GLYATL3: variants seen among roughly 807,000 people sequenced by gnomAD.
The protein encoded by GLYATL3 is glycine-N-acyltransferase like 3, also known as glycine N-acyltransferase-like protein 3.
Under a neutral mutation model 28.5 loss-of-function variants are expected in GLYATL3, and 31 were observed. The observed-to-expected ratio is 1.09, with a 90% CI of 0.82 to 1.47. GLYATL3 has a LOEUF of 1.47. GLYATL3 is among the 40% of genes most tolerant of loss of function. The pLI is 0.00. For missense variants in GLYATL3, 369 were observed against 351.5 expected, an observed-to-expected ratio of 1.05 and a Z score of -0.40; for synonymous variants, 141 against 140.2, an observed-to-expected ratio of 1.01 and a Z score of -0.04.
intron 5 of GLYATL3, 90 bp from the exon 6 acceptor site, chr6:49,526,398 G>C: frequency 8.9e-7 from 1 of 1,125,668 alleles, no homozygotes; most frequent in South Asian, 1.5e-5. Flanking sequence ...GGGCGACAGA[G>C]CAAGACTGTG....
At chr6:49,515,986 G>A (rs1769209538) in intron 3 of GLYATL3, among the ~76,000 whole-genome samples, 1 of 132,198 alleles carries the variant, frequency 7.6e-6, no homozygotes, top group African/African-American at 2.8e-5. Flanking sequence ...CCAGACTAGA[G>A]TGCAGTGGCA....
intron 1 of GLYATL3, among the ~76,000 whole-genome samples, chr6:49,508,271 G>C (rs1218696933): frequency 1.3e-5 from 2 of 152,108 alleles, no homozygotes; most frequent in East Asian, 3.9e-4. Flanking sequence ...ATTCCAGCCT[G>C]GGCGACACAG....
chr6:49,527,041 A>G lies in GLYATL3; in HGVS notation c.*127A>G. On this transcript the variant is annotated 3_prime_UTR_variant, in exon 6 of 6. Transcript: ENST00000371197. ...AGTTGTTGGAAAGGGTCTGGAGAAT[A>G]TATACAGGATCCACTTGAGAAGCCT... 1.4e-6 allele frequency: 1 copy of G among 700,514 alleles called. No homozygotes were observed. Among genetic ancestry groups the G allele is most frequent in the Non-Finnish European group, 2.3e-6 (1 of 433,988 alleles). The allele number at this position is 700,514 out of a possible 1,614,324, so 43.4% of individuals were successfully genotyped here. A position where few individuals can be genotyped will look rare whatever the true frequency, so the allele number is the denominator to read the frequency against.
At chr6:49,514,974 G>A (rs1947861) in intron 2 of GLYATL3, among the ~76,000 whole-genome samples, 77,591 of 151,956 alleles carry the variant, frequency 0.51, 21,064 homozygotes, top group Non-Finnish European at 0.62. Context: ...GCCACAGAAA[G>A]AATTATAATA....
intron 3 of GLYATL3, 35 bp from the exon 4 acceptor site, chr6:49,517,395 C>T (rs776295863): frequency 3.0e-5 from 45 of 1,490,314 alleles, no homozygotes; most frequent in South Asian, 6.7e-5. Context: ...CCAGATAATA[C>T]GTTTATGTTT....
intron 5 of GLYATL3, among the ~76,000 whole-genome samples, chr6:49,524,044 C>T (rs1042598611): frequency 4.7e-5 from 7 of 150,244 alleles, no homozygotes; most frequent in African/African-American, 9.8e-5. Context: ...CTGATGCAAA[C>T]AATTTGCCTT....
At position 49,521,722 on chromosome 6, in the gene GLYATL3, A is replaced by G; in HGVS notation, c.391A>G (p.Lys131Glu). 6.4e-7 allele frequency: 1 copy of G among 1,551,402 alleles called. No individual in the cohort carries two copies. Among genetic ancestry groups the G allele is most frequent in the Non-Finnish European group, 8.7e-7 (1 of 1,146,774 alleles). The part of the protein sequence containing the change: ...KQLNIKLTSF[K>E]AVHFSPVSSL... Reference sequence around the variant, plus strand: ...GTTGAATATAAAGCTAACTTCCTTCAAGGCTGTTCATTTTTCTCCTGTTTC... The same window carrying G: ...GTTGAATATAAAGCTAACTTCCTTCGAGGCTGTTCATTTTTCTCCTGTTTC... The change falls in exon 5 of 6, where the codon AAG becomes GAG. Residue 131 changes from lysine to glutamate, a missense_variant. Lys to Glu is a moderately conservative substitution (Grantham distance 56, BLOSUM62 1). Transcript: ENST00000371197.
intron 4 of GLYATL3, among the ~76,000 whole-genome samples, chr6:49,520,233 AAG>A (rs3056256): frequency 0.46 from 70,236 of 151,776 alleles, 17,040 homozygotes; most frequent in East Asian, 0.62. Context: ...GAAAGAATCA[AAG>A]AGTGGGGGTA....
At chr6:49,508,556 G>T (rs1202513644) in intron 1 of GLYATL3, among the ~76,000 whole-genome samples, 1 of 152,086 alleles carries the variant, frequency 6.6e-6, no homozygotes, top group East Asian at 1.9e-4. Flanking sequence ...ATGGACAGGT[G>T]CCCCTCATGC....
intron 5 of GLYATL3, among the ~76,000 whole-genome samples, chr6:49,525,924 T>G (rs886609148): frequency 2.0e-5 from 3 of 152,206 alleles, no homozygotes. Context: ...AGAAACACTT[T>G]CCTTAACCTG....
intron 2 of GLYATL3, among the ~76,000 whole-genome samples, chr6:49,513,797 T>C (rs1169941689): frequency 6.6e-6 from 1 of 152,144 alleles, no homozygotes; most frequent in Non-Finnish European, 1.5e-5. Context: ...TTGAAGAAAA[T>C]GAGTGATTTA....
In GLYATL3 at chr6:49,512,047, T is replaced by C. The variant is rs1159841789; in HGVS notation, c.57T>C (p.Ser19=). 6.9e-7 allele frequency: 1 copy of C among 1,439,862 alleles called. No individual in the cohort carries two copies. Among genetic ancestry groups the C allele is most frequent in the Non-Finnish European group, 9.5e-7 (1 of 1,047,362 alleles). 89.2% of individuals were successfully genotyped at this position (1,439,862 alleles called of 1,614,324 possible). A position where few individuals can be genotyped will look rare whatever the true frequency, so the allele number is the denominator to read the frequency against. Residue 19 remains serine (S), a synonymous_variant, in exon 2 of 6, where the codon AGT becomes AGC. Transcript: ENST00000371197. ...TGATACTGGAGAAAATGTTGAAGAG[T>C]TGCTTTCCTGAATCACTCAAGGTAC... ...KLLILEKMLK[S]CFPESLKVYG... is the part of the protein sequence containing the mutation.
intron 5 of GLYATL3, among the ~76,000 whole-genome samples, chr6:49,524,234 A>C (rs1415351540): frequency 6.6e-6 from 1 of 152,234 alleles, no homozygotes; most frequent in Admixed American, 6.5e-5. Context: ...TGAAAATTCC[A>C]TTAGGCCAGC....
At chr6:49,503,314 T>C (rs959835828) in intron 1 of GLYATL3, among the ~76,000 whole-genome samples, 2 of 152,240 alleles carry the variant, frequency 1.3e-5, no homozygotes, top group African/African-American at 4.8e-5. Context: ...AAGGTGGATT[T>C]ACTTATAACA....
rs1334204789 is a variant in GLYATL3 at position 49,500,048 on chromosome 6, C to T, written c.-29+6C>T. On this transcript the variant is annotated splice_donor_region_variant and intron_variant, in intron 1 of 5. Coordinates refer to ENST00000371197, the MANE Select transcript of GLYATL3 (RefSeq NM_001010904.2). ...CTGGACTGAACTCCCAGCAGGTAAA[C>T]ATTTATTCATTAATATAATACATTT... 1 of 152,134 alleles carries T rather than the reference C, an allele frequency of 6.6e-6. No individual in the cohort carries two copies. Among genetic ancestry groups the T allele is most frequent in the East Asian group, 1.9e-4 (1 of 5,186 alleles). 9.4% of individuals were successfully genotyped at this position (152,134 alleles called of 1,614,324 possible). A position where few individuals can be genotyped will look rare whatever the true frequency, so the allele number is the denominator to read the frequency against.
At position 49,527,640 on chromosome 6, in the gene GLYATL3, T is replaced by G. The variant is rs901814343; in HGVS notation, c.*726T>G. 6.6e-6 allele frequency among the ~76,000 whole-genome samples: 1 copy of G among 152,186 alleles called. No homozygotes were observed. Among genetic ancestry groups the G allele is most frequent in the East Asian group, 1.9e-4 (1 of 5,192 alleles). ...TATTTGCCTTGGATGAATGACAATA[T>G]GGGCATTTTGATGCTATAAACAAAT... On this transcript the variant is annotated 3_prime_UTR_variant, in exon 6 of 6. Coordinates refer to ENST00000371197, the MANE Select transcript of GLYATL3 (RefSeq NM_001010904.2).
rs567140092 is a variant in GLYATL3 at position 49,518,374 on chromosome 6, G to A, written c.313+818G>A. ...CTGATAGTTTAGATGAATAGTTTCC[G>A]CGTCAGTGTACACTTACTCTTCCAG... is the stretch of plus-strand genomic sequence containing the variant. On this transcript the variant is annotated intron_variant, in intron 4 of 5. Transcript: ENST00000371197. 1.9e-3 allele frequency among the ~76,000 whole-genome samples: 289 copies of A among 152,288 alleles called. 3 individuals carry two copies. Among genetic ancestry groups the A allele is most frequent in the Middle Eastern group, 3.4e-3 (1 of 294 alleles).
chr6:49,508,164 C>T (rs1263197373), intron 1 of GLYATL3, among the ~76,000 whole-genome samples: 7 of 151,812 alleles, frequency 4.6e-5, no homozygotes, highest in African/African-American at 7.3e-5. Flanking sequence ...GGTGTGGTGG[C>T]GGGCGCCTGT....
intron 4 of GLYATL3, among the ~76,000 whole-genome samples, chr6:49,518,669 G>A (rs938234937): frequency 1.3e-5 from 2 of 152,102 alleles, no homozygotes; most frequent in African/African-American, 2.4e-5. Flanking sequence ...AGTCAGGTGC[G>A]GTGGCTCACA....
Sources: allele counts gnomAD v4.1 joint callset (sites outside exome capture counted in the v4.1 genomes callset), GRCh38; gene constraint gnomAD v4.1.1; transcripts MANE v1.5; gene names NCBI Gene and HGNC (gene_info 2026-07-23, HGNC 2026-07-21).